TGIF1: variants seen among roughly 807,000 people sequenced by gnomAD.
The protein encoded by TGIF1 is TGFB induced factor homeobox 1, also known as homeobox protein TGIF1.
Under a neutral mutation model 19.3 loss-of-function variants are expected in TGIF1, and 4 were observed. The ratio of observed to expected loss-of-function variants is 0.21; its 90% CI spans 0.10 to 0.47. The LOEUF (loss-of-function observed/expected upper bound fraction) is 0.47, where lower values mean the gene tolerates loss of function less well. Among genes scored for constraint, TGIF1 ranks in the 20% least tolerant of loss-of-function variants. The probability of loss-of-function intolerance (pLI) is 0.98; values close to 1 mark genes in which losing one functional copy is unlikely to be tolerated. For synonymous variants in TGIF1, 122 were observed against 129.3 expected, an observed-to-expected ratio of 0.94 and a Z score of 0.38; for missense variants, 275 against 341.4, an observed-to-expected ratio of 0.81 and a Z score of 1.53.
intron 1 of TGIF1, among the ~76,000 whole-genome samples, chr18:3,416,515 CA>C (rs1370606629): frequency 6.6e-6 from 1 of 151,882 alleles, no homozygotes. Flanking sequence ...GATTCTGTCT[CA>C]AAAAAACAAA....
chr18:3,449,295 G>A (rs988574547), upstream of TGIF1: 71 of 655,776 alleles, frequency 1.1e-4, 1 homozygote, highest in Non-Finnish European at 1.3e-4. Flanking sequence ...CAGGCACGGC[G>A]TGGTCACCCC....
intron 1 of TGIF1, among the ~76,000 whole-genome samples, chr18:3,452,745 A>T (rs549554357): frequency 4.6e-5 from 7 of 151,652 alleles, no homozygotes; most frequent in Non-Finnish European, 8.8e-5. Context: ...CTCTGGAAAG[A>T]CTCCTGAGGA....
At chr18:3,427,010 G>A (rs937680230) in intron 2 of TGIF1, among the ~76,000 whole-genome samples, 7 of 135,088 alleles carry the variant, frequency 5.2e-5, no homozygotes, top group African/African-American at 2.0e-4. Context: ...TGCAACCTCC[G>A]CCTCCCGGGT....
intron 2 of TGIF1, among the ~76,000 whole-genome samples, chr18:3,433,264 G>C (rs2082573730): frequency 6.6e-6 from 1 of 151,226 alleles, no homozygotes; most frequent in Non-Finnish European, 1.5e-5. Flanking sequence ...GGTAGAGACG[G>C]GATTTCCCCA....
chr18:3,419,030 C>G (rs1003284521), intron 2 of TGIF1, among the ~76,000 whole-genome samples: 2 of 152,134 alleles, frequency 1.3e-5, no homozygotes, highest in African/African-American at 4.8e-5. Flanking sequence ...TACACTCCAG[C>G]TTGGGTGACA....
chr18:3,454,326 A>G (rs925274147), intron 1 of TGIF1, among the ~76,000 whole-genome samples: 6 of 152,178 alleles, frequency 3.9e-5, no homozygotes, highest in Admixed American at 1.3e-4. Flanking sequence ...GTGATTACCA[A>G]CTTACAGTTG....
intron 2 of TGIF1, among the ~76,000 whole-genome samples, chr18:3,442,167 TCAGTAGGG>T (rs1197642884): frequency 3.3e-5 from 5 of 152,244 alleles, no homozygotes; most frequent in African/African-American, 1.2e-4. Flanking sequence ...TTTATGTCTC[TCAGTAGGG>T]TTTTAAAGTT....
chr18:3,448,926 T>G (rs2082810834), upstream of TGIF1, among the ~76,000 whole-genome samples: 1 of 152,116 alleles, frequency 6.6e-6, no homozygotes, highest in Non-Finnish European at 1.5e-5. Context: ...ACCCGGGCGC[T>G]GTCTCTGCTA....
chr18:3,435,202 T>A (rs1175582752), intron 2 of TGIF1, among the ~76,000 whole-genome samples: 2 of 152,052 alleles, frequency 1.3e-5, no homozygotes, highest in Non-Finnish European at 2.9e-5. Flanking sequence ...TATATATATT[T>A]TTTTTTTTGA....
upstream of TGIF1, chr18:3,448,711 G>A (rs1173022555): frequency 1.3e-6 from 1 of 754,144 alleles, no homozygotes; most frequent in Non-Finnish European, 1.6e-6. Flanking sequence ...CTAGGGGCGG[G>A]GGTGTCTTTT....
chr18:3,457,422 G>A lies in TGIF1; in HGVS notation c.301G>A (p.Asp101Asn), dbSNP rs2049391747. The change falls in exon 3 of 3, where the codon GAT (aspartate) becomes AAT (asparagine). Residue 101 changes from aspartate to asparagine, a missense_variant. Coordinates refer to ENST00000343820, the MANE Select transcript of TGIF1 (RefSeq NM_003244.4). The surrounding 1 kb of genome is among the most constrained non-coding windows in gnomAD (Gnocchi z 4.9). ...RRLLPDMLRK[D>N]GKDPNQFTIS... The stretch of plus-strand genomic sequence containing the variant: ...GCTCCTCCCTGACATGCTGAGAAAG[G>A]ATGGCAAAGATCCAAATCAGTTCAC... The A allele has an allele frequency of 6.2e-7, 1 of 1,614,084 alleles. No homozygotes were observed. The highest frequency in any genetic ancestry group is 1.7e-5 in the Admixed American group (1 of 60,006).
At chr18:3,449,339 C>G (rs1480558492), upstream of TGIF1, 1 of 978,352 alleles carries the variant, frequency 1.0e-6, no homozygotes, top group Non-Finnish European at 1.2e-6. Context: ...CGGGGTTCGG[C>G]GACTCGGGGT....
In TGIF1 at chr18:3,458,207, T is replaced by C. The variant is rs1418571146; in HGVS notation, c.*267T>C. On this transcript the variant is annotated 3_prime_UTR_variant, in exon 3 of 3. Coordinates refer to ENST00000343820, the MANE Select transcript of TGIF1 (RefSeq NM_003244.4). ...AGATGGTTCCCAATATCATGTGATT[T>C]TTTTTTTCCTCCCCTTCCCTTTTTT... 1 of 429,330 alleles carries C rather than the reference T, an allele frequency of 2.3e-6. No individual in the cohort carries two copies. Among genetic ancestry groups the C allele is most frequent in the Non-Finnish European group, 4.1e-6 (1 of 241,472 alleles). 26.6% of individuals were successfully genotyped at this position (429,330 alleles called of 1,614,324 possible).
chr18:3,449,150 T>TGG (rs2082817343), upstream of TGIF1, among the ~76,000 whole-genome samples: 10 of 152,124 alleles, frequency 6.6e-5, no homozygotes, highest in Non-Finnish European at 1.5e-5. Context: ...GTTGGATCCC[T>TGG]CCTAACTGTG....
intron 2 of TGIF1, among the ~76,000 whole-genome samples, chr18:3,437,053 C>T (rs190200233): frequency 6.6e-6 from 1 of 152,064 alleles, no homozygotes; most frequent in Admixed American, 6.6e-5. Context: ...TGCAGTGAGC[C>T]GAGATTGCGC....
intron 2 of TGIF1, among the ~76,000 whole-genome samples, chr18:3,432,908 C>T (rs368655865): frequency 3.4e-4 from 52 of 151,750 alleles, no homozygotes; most frequent in African/African-American, 8.7e-4. Flanking sequence ...TACAGGCATG[C>T]GCCACCAAGC....
At chr18:3,447,339 T>TAAAAAAAAAAAAAAAAAAAAAAAA (rs11421150), upstream of TGIF1, among the ~76,000 whole-genome samples, 1 of 141,680 alleles carries the variant, frequency 7.1e-6, no homozygotes, top group Non-Finnish European at 1.5e-5. Context: ...CTATATACTT[T>TAAAAAAAAAAAAAAAAAAAAAAAA]AAAAAAAAAA....
At chr18:3,445,059 G>C (rs2082722247) in intron 2 of TGIF1, among the ~76,000 whole-genome samples, 1 of 152,170 alleles carries the variant, frequency 6.6e-6, no homozygotes, top group Non-Finnish European at 1.5e-5. Context: ...ATCCTACAAT[G>C]CACAGGACAG....
chr18:3,450,963 C>CT (rs1491442033), intron 1 of TGIF1, among the ~76,000 whole-genome samples: 1 of 150,414 alleles, frequency 6.6e-6, no homozygotes, highest in Non-Finnish European at 1.5e-5. Context: ...CACTCCTAGG[C>CT]TCCCCCCGCC....
Sources: gnomAD v4.1 joint callset for allele counts (sites outside exome capture counted in the v4.1 genomes callset) on GRCh38, gnomAD v4.1.1 for gene constraint, Gnocchi (gnomAD v3.1) non-coding constraint, MANE v1.5 for transcripts, NCBI Gene and HGNC (gene_info 2026-07-23, HGNC 2026-07-21) for gene names.